Variants in SH3RF3 observed in about 807,000 individuals in gnomAD.
SH3RF3 encodes the protein SH3 domain containing ring finger 3.
Under a neutral mutation model 66.3 loss-of-function variants are expected in SH3RF3, and 29 were observed. That is an observed-to-expected ratio of 0.44 (90% CI 0.33 to 0.60). SH3RF3 has a LOEUF of 0.60. Among genes scored for constraint, SH3RF3 ranks in the 20% least tolerant of loss-of-function variants. SH3RF3 has a pLI of 0.04. For missense variants in SH3RF3, 1,194 were observed against 1,190.9 expected (o/e 1.00, Z -0.04); for synonymous variants, 583 against 532.0 (o/e 1.10, Z -1.32).
At chr2:109,209,893 C>T (rs185864022) in intron 1 of SH3RF3, among the ~76,000 whole-genome samples, 3 of 152,226 alleles carry the variant, frequency 2.0e-5, no homozygotes, top group African/African-American at 4.8e-5. Context: ...GCATTAAGTA[C>T]GTCCCCCCTG....
At chr2:109,360,805 T>C (rs114140042) in intron 2 of SH3RF3, among the ~76,000 whole-genome samples, 1 of 152,248 alleles carries the variant, frequency 6.6e-6, no homozygotes, top group Non-Finnish European at 1.5e-5. Context: ...TGTACACTTT[T>C]AATTTCCTTT....
At chr2:109,361,800 G>C (rs541490413) in intron 2 of SH3RF3, among the ~76,000 whole-genome samples, 1 of 152,282 alleles carries the variant, frequency 6.6e-6, no homozygotes, top group East Asian at 1.9e-4. Flanking sequence ...TCTTGTATGA[G>C]TTTTAGCAGA....
At chr2:109,441,828 G>GA (rs1415068108) in intron 7 of SH3RF3, among the ~76,000 whole-genome samples, 5 of 151,794 alleles carry the variant, frequency 3.3e-5, no homozygotes, top group African/African-American at 1.2e-4. Context: ...ACATGAAATA[G>GA]AAAAAAAGAT....
chr2:109,275,440 G>A (rs1165843558), intron 1 of SH3RF3, among the ~76,000 whole-genome samples: 1 of 152,212 alleles, frequency 6.6e-6, no homozygotes, highest in African/African-American at 2.4e-5. Flanking sequence ...GACCGACACC[G>A]GAAGTCTGCT....
rs539178561 is a variant in SH3RF3 at position 109,412,441 on chromosome 2, A to G, written c.1300-7098A>G. Among the ~76,000 whole-genome samples, 6 of 152,330 alleles carry G rather than the reference A, an allele frequency of 3.9e-5. No homozygotes were observed. In the East Asian group the frequency reaches 9.7e-4, roughly 25 times the overall value. On this transcript the variant is annotated intron_variant, in intron 4 of 9. Transcript: ENST00000309415. ...CAGCTTGGCTGTTTCTGGAGCATTT[A>G]TCTGAACAGGACAGCAGGCATGGTA...
At chr2:109,438,685 C>T (rs1198490404) in intron 7 of SH3RF3, among the ~76,000 whole-genome samples, 2 of 152,180 alleles carry the variant, frequency 1.3e-5, no homozygotes, top group Non-Finnish European at 2.9e-5. Flanking sequence ...TCTGATCAGC[C>T]GTCCTTCAGC....
At chr2:109,450,010 G>T (rs1188164799) in intron 8 of SH3RF3, among the ~76,000 whole-genome samples, 4 of 152,122 alleles carry the variant, frequency 2.6e-5, no homozygotes, top group Admixed American at 6.5e-5. Context: ...TGGCTGGTGT[G>T]TTTTTTAGCT....
chr2:109,321,722 C>A (rs1389271708), intron 1 of SH3RF3, among the ~76,000 whole-genome samples: 1 of 152,230 alleles, frequency 6.6e-6, no homozygotes, highest in Non-Finnish European at 1.5e-5. Flanking sequence ...CCGTGCAACT[C>A]AAGTATAGAC....
rs367945117 is a variant in SH3RF3, at chr2:109,398,659, G to T, written c.1015G>T (p.Ala339Ser). 8 of 1,606,126 alleles carry T rather than the reference G, an allele frequency of 5.0e-6. No homozygotes were observed. The East Asian group carries it at 1.3e-4, about 27-fold the overall frequency. The change falls in exon 4 of 10, where the codon GCC (alanine) becomes TCC (serine). Residue 339 changes from alanine (A) to serine (S), a missense_variant. By Grantham distance (99) the Ala-to-Ser change is moderately conservative. Transcript: ENST00000309415. ...CCCAGCCGCTGCATCCAGCTGCAAT[G>T]CCTCCCTGCCCTCTGACTCCGGCGC... The part of the protein sequence containing the change: ...PCPAAASSCN[A>S]SLPSDSGAVA...
intron 1 of SH3RF3, among the ~76,000 whole-genome samples, chr2:109,342,765 G>T (rs1327666563): frequency 6.6e-6 from 1 of 152,176 alleles, no homozygotes; most frequent in Non-Finnish European, 1.5e-5. Context: ...TGGCGCCGTT[G>T]TGCCCACGTG....
At chr2:109,407,365 G>A (rs1193096750) in intron 4 of SH3RF3, among the ~76,000 whole-genome samples, 9 of 152,216 alleles carry the variant, frequency 5.9e-5, no homozygotes, top group Non-Finnish European at 1.3e-4. Flanking sequence ...AAGTAAATGA[G>A]GAGAGTTCCT....
intron 1 of SH3RF3, among the ~76,000 whole-genome samples, chr2:109,199,617 T>TTAACCC (rs1678607688): frequency 7.8e-3 from 2 of 258 alleles, no homozygotes; most frequent in African/African-American, 0.012. Flanking sequence ...TGGAATGGAA[T>TTAACCC]GGAATGGAAT....
chr2:109,186,299 T>C (rs1022160329), intron 1 of SH3RF3, among the ~76,000 whole-genome samples: 1 of 152,258 alleles, frequency 6.6e-6, no homozygotes. Context: ...ACTGCAGCCC[T>C]AGTGGCAGGT....
intron 1 of SH3RF3, among the ~76,000 whole-genome samples, chr2:109,245,897 C>A (rs1263642601): frequency 6.6e-6 from 1 of 152,002 alleles, no homozygotes; most frequent in Non-Finnish European, 1.5e-5. Context: ...AACACAATCC[C>A]GGGCATCATT....
At chr2:109,260,582 T>C (rs1307135575) in intron 1 of SH3RF3, among the ~76,000 whole-genome samples, 1 of 152,206 alleles carries the variant, frequency 6.6e-6, no homozygotes, top group Non-Finnish European at 1.5e-5. Context: ...GCTCCCGATC[T>C]TGTATGTGGA....
intron 1 of SH3RF3, among the ~76,000 whole-genome samples, chr2:109,231,946 T>G (rs1466635850): frequency 1.3e-5 from 2 of 152,266 alleles, no homozygotes; most frequent in East Asian, 3.8e-4. Flanking sequence ...CACAGAGTTG[T>G]GTCCATCACC....
At chr2:109,230,525 A>C (rs75102555) in intron 1 of SH3RF3, among the ~76,000 whole-genome samples, 204 of 152,284 alleles carry the variant, frequency 1.3e-3, no homozygotes, top group Non-Finnish European at 1.8e-3. Flanking sequence ...GGTTGAAGTG[A>C]GCTGAGATAG....
intron 1 of SH3RF3, among the ~76,000 whole-genome samples, chr2:109,249,674 G>A (rs1224821144): frequency 8.6e-5 from 12 of 139,776 alleles, no homozygotes; most frequent in Admixed American, 8.1e-4. Context: ...TCTTGACAGA[G>A]TCTTGCTGTG....
At chr2:109,464,273 T>C (rs1678280973) in intron 8 of SH3RF3, among the ~76,000 whole-genome samples, 1 of 152,126 alleles carries the variant, frequency 6.6e-6, no homozygotes, top group African/African-American at 2.4e-5. Context: ...CACACACAAA[T>C]ATACACACAT....
Sources: allele counts gnomAD v4.1 joint callset (sites outside exome capture counted in the v4.1 genomes callset), GRCh38; gene constraint gnomAD v4.1.1; transcripts MANE v1.5; gene names NCBI Gene and HGNC (gene_info 2026-07-23, HGNC 2026-07-21).